The following PPP2R2B variants were observed in gnomAD, a reference collection of about 807,000 sequenced individuals.
PPP2R2B encodes the protein serine/threonine-protein phosphatase 2A 55 kDa regulatory subunit B beta isoform.
PPP2R2B carries 5 observed loss-of-function variants against 46.0 expected under a neutral mutation model. The observed-to-expected ratio is 0.11, with a 90% CI of 0.06 to 0.23. The LOEUF is 0.23. Among genes scored for constraint, PPP2R2B ranks in the 10% least tolerant of loss-of-function variants. The pLI is 1.00. For synonymous variants in PPP2R2B, 215 were observed against 206.7 expected, an observed-to-expected ratio of 1.04 and a Z score of -0.34; for missense variants, 367 against 575.0, an observed-to-expected ratio of 0.64 and a Z score of 3.70.
At chr5:146,967,167 T>C (rs1752456089) in intron 1 of PPP2R2B, among the ~76,000 whole-genome samples, 3 of 152,288 alleles carry the variant, frequency 2.0e-5, no homozygotes, top group East Asian at 1.9e-4. Context: ...CTCTATTAGA[T>C]ACATGGATAA....
chr5:146,954,609 A>G (rs973741367), intron 1 of PPP2R2B, among the ~76,000 whole-genome samples: 1 of 152,112 alleles, frequency 6.6e-6, no homozygotes, highest in Non-Finnish European at 1.5e-5. Context: ...CTCCACCAAA[A>G]CACTTACTCA....
Position 146,680,510 on chromosome 5 carries a change from C to A in PPP2R2B, c.447+10618G>T, listed in dbSNP as rs6882725. ...TGTATACATATGTGACTAACCTGCA[C>A]AATGTGCACATGTACCCTAAAACTT... On this transcript the variant is annotated intron_variant, in intron 5 of 9. Transcript: ENST00000394411. Among the ~76,000 whole-genome samples, 642 of 151,296 alleles carry A rather than the reference C, an allele frequency of 4.2e-3. 6 individuals carry two copies. The highest frequency in any genetic ancestry group is 0.015 in the African/African-American group (621 of 41,166).
Position 146,647,752 on chromosome 5 carries a change from A to G in PPP2R2B, c.625+2795T>C, listed in dbSNP as rs564045994. 2.0e-5 allele frequency among the ~76,000 whole-genome samples: 3 copies of G among 152,318 alleles called. No homozygotes were observed. The East Asian group carries it at 5.8e-4, about 29-fold the overall frequency. On this transcript the variant is annotated intron_variant, in intron 6 of 9. Transcript: ENST00000394411. ...CTAGACTGGGGAAGCAGAAGCTCAG[A>G]GTGACAGCCAGCTGAGCCTGAGCAG... is the stretch of plus-strand genomic sequence containing the variant.
At chr5:146,897,357 T>C (rs1014369754) in intron 1 of PPP2R2B, among the ~76,000 whole-genome samples, 2 of 152,166 alleles carry the variant, frequency 1.3e-5, no homozygotes, top group Admixed American at 1.3e-4. Flanking sequence ...GTGGATACAA[T>C]AAAAAGTTCT....
At position 146,812,076 on chromosome 5, in the gene PPP2R2B, A is replaced by T. The variant is rs551144887; in HGVS notation, c.70+65926T>A. Among the ~76,000 whole-genome samples the T allele has an allele frequency of 8.5e-5, 13 of 152,122 alleles. No individual in the cohort carries two copies. The South Asian group carries it at 2.7e-3, about 32-fold the overall frequency. ...CATGCTACAGGGAACTGGGCCCAAG[A>T]GCTCTGAGTTAACTTTGGACTTTTG... On this transcript the variant is annotated intron_variant, in intron 2 of 9. Transcript: ENST00000394411.
chr5:146,592,834 G>A, intron 9 of PPP2R2B, 137 bp downstream of exon 9: 1 of 745,122 alleles, frequency 1.3e-6, no homozygotes, highest in South Asian at 1.7e-5. Flanking sequence ...GGTCACTAGG[G>A]GCCCACATTA....
intron 1 of PPP2R2B, among the ~76,000 whole-genome samples, chr5:146,907,972 T>C (rs1024092174): frequency 2.6e-5 from 4 of 152,174 alleles, no homozygotes; most frequent in South Asian, 4.1e-4. Context: ...TTAATAAATA[T>C]GATCATAGAG....
chr5:146,792,208 G>A (rs887864311), intron 2 of PPP2R2B, among the ~76,000 whole-genome samples: 2 of 152,166 alleles, frequency 1.3e-5, no homozygotes, highest in African/African-American at 2.4e-5. Context: ...CTTTTAAGGT[G>A]TGTGTGCCTA....
chr5:146,719,636 G>A (rs924984726), intron 2 of PPP2R2B, among the ~76,000 whole-genome samples: 1 of 152,096 alleles, frequency 6.6e-6, no homozygotes. Context: ...TCCCAGATAA[G>A]GCAGAGCAAG....
chr5:146,656,509 G>A (rs1435668565), intron 5 of PPP2R2B: 2 of 152,058 alleles, frequency 1.3e-5, no homozygotes, highest in African/African-American at 4.8e-5. Context: ...TTTCTGACCT[G>A]GGTAGGTTAA....
chr5:146,937,794 A>T (rs904666487), intron 1 of PPP2R2B, among the ~76,000 whole-genome samples: 1 of 152,130 alleles, frequency 6.6e-6, no homozygotes, highest in Non-Finnish European at 1.5e-5. Flanking sequence ...TCTGAAATTT[A>T]TGTCTGTTTG....
intron 7 of PPP2R2B, among the ~76,000 whole-genome samples, chr5:146,619,966 G>A (rs1007317353): frequency 3.3e-5 from 5 of 152,136 alleles, no homozygotes; most frequent in African/African-American, 9.7e-5. Context: ...AAAAATTTTA[G>A]TTAGGGAATT....
intron 2 of PPP2R2B, among the ~76,000 whole-genome samples, chr5:146,827,346 C>T (rs1758644513): frequency 1.3e-5 from 2 of 152,018 alleles, no homozygotes; most frequent in African/African-American, 4.8e-5. Flanking sequence ...TCAGCTACAA[C>T]AAAAAATGTA....
intron 2 of PPP2R2B, among the ~76,000 whole-genome samples, chr5:146,852,591 G>A (rs1435986567): frequency 2.0e-5 from 3 of 152,122 alleles, no homozygotes; most frequent in Non-Finnish European, 2.9e-5. Context: ...TCCGCCTACT[G>A]TAGAACCAGT....
chr5:146,667,332 G>GCGCGCA (rs1239646840), intron 5 of PPP2R2B, among the ~76,000 whole-genome samples: 2 of 32,054 alleles, frequency 6.2e-5, no homozygotes, highest in African/African-American at 1.9e-4. Context: ...GCGTGCGCGC[G>GCGCGCA]CACACACACA....
At chr5:147,068,109 C>T (rs73310630) in intron 2 of PPP2R2B, among the ~76,000 whole-genome samples, 9,141 of 151,914 alleles carry the variant, frequency 0.06, 535 homozygotes, top group African/African-American at 0.15. Context: ...AATAATGATC[C>T]GGGTGGTAGA....
chr5:146,774,591 C>A (rs10068903), intron 2 of PPP2R2B, among the ~76,000 whole-genome samples: 1 of 151,772 alleles, frequency 6.6e-6, no homozygotes, highest in South Asian at 2.1e-4. Flanking sequence ...CCAAGGTGGG[C>A]GGATCACCTG....
Position 146,813,223 on chromosome 5 carries a change from T to G in PPP2R2B, c.70+64779A>C, listed in dbSNP as rs187354389. Among the ~76,000 whole-genome samples the G allele has an allele frequency of 2.4e-3, 361 of 151,766 alleles. 5 individuals carry two copies. The highest frequency in any genetic ancestry group is 1.1e-3 in the Non-Finnish European group (73 of 67,882). On this transcript the variant is annotated intron_variant, in intron 2 of 9. Transcript: ENST00000394411. ...GAAGCACCTAATAAATCTTAGCCTT[T>G]TAATAATCATTAAAAAAAACCCCTC...
intron 7 of PPP2R2B, among the ~76,000 whole-genome samples, chr5:146,616,249 G>C (rs1196718402): frequency 1.3e-5 from 2 of 152,170 alleles, no homozygotes; most frequent in African/African-American, 2.4e-5. Flanking sequence ...ATGGATTGAA[G>C]ACTTAAATCT....
Sources: gnomAD v4.1 joint callset for allele counts (sites outside exome capture counted in the v4.1 genomes callset) on GRCh38, gnomAD v4.1.1 for gene constraint, MANE v1.5 for transcripts, NCBI Gene and HGNC (gene_info 2026-07-23, HGNC 2026-07-21) for gene names.